SNTG2: variants seen among roughly 807,000 people sequenced by gnomAD.
The protein encoded by SNTG2 is syntrophin gamma 2.
A neutral mutation model predicts 70.9 loss-of-function variants in SNTG2; 74 were observed. That is an observed-to-expected ratio of 1.04 (90% CI 0.86 to 1.27). The LOEUF is 1.27. Among genes scored for constraint, SNTG2 ranks in the 50% most tolerant of loss-of-function variants. The probability of loss-of-function intolerance (pLI) is 0.00; values close to 1 mark genes in which losing one functional copy is unlikely to be tolerated. For synonymous variants in SNTG2, 278 were observed against 273.8 expected (o/e 1.02, Z -0.15); for missense variants, 717 against 690.7 (o/e 1.04, Z -0.43).
intron 13 of SNTG2, among the ~76,000 whole-genome samples, chr2:1,265,545 C>A (rs928903978): frequency 2.6e-5 from 4 of 152,192 alleles, no homozygotes; most frequent in Non-Finnish European, 5.9e-5. Flanking sequence ...ATCTGCGGGG[C>A]CAGGAGAGCC....
chr2:1,303,486 CAG>C (rs1680543185), intron 14 of SNTG2, among the ~76,000 whole-genome samples: 1 of 152,092 alleles, frequency 6.6e-6, no homozygotes, highest in Admixed American at 6.5e-5. Context: ...ACAGCTGAAT[CAG>C]GGCTGCGCAG....
intron 14 of SNTG2, among the ~76,000 whole-genome samples, chr2:1,303,137 A>G (rs1680529591): frequency 6.6e-6 from 1 of 152,234 alleles, no homozygotes; most frequent in Non-Finnish European, 1.5e-5. Context: ...ACCATCAACT[A>G]AAAGAATCCA....
intron 14 of SNTG2, among the ~76,000 whole-genome samples, chr2:1,281,872 G>C (rs959898014): frequency 3.3e-5 from 5 of 152,052 alleles, no homozygotes; most frequent in African/African-American, 1.2e-4. Flanking sequence ...GGAGGGAGGC[G>C]GGCAGCATCA....
chr2:1,171,768 T>C (rs924388447), intron 7 of SNTG2, among the ~76,000 whole-genome samples: 1 of 152,208 alleles, frequency 6.6e-6, no homozygotes, highest in Non-Finnish European at 1.5e-5. Context: ...ATGAAGTGTT[T>C]TCTAAAAATA....
intron 4 of SNTG2, among the ~76,000 whole-genome samples, chr2:1,121,495 C>T (rs560485965): frequency 6.6e-6 from 1 of 152,244 alleles, no homozygotes. Flanking sequence ...AACTCTTCAT[C>T]TGTATTAGTC....
intron 1 of SNTG2, chr2:1,059,164 G>T (rs1662649905): frequency 6.6e-6 from 1 of 152,250 alleles, no homozygotes; most frequent in Non-Finnish European, 1.5e-5. Context: ...CATCTGTGCA[G>T]TTTCATTTAC....
intron 4 of SNTG2, among the ~76,000 whole-genome samples, chr2:1,116,882 G>T: frequency 6.8e-6 from 1 of 146,192 alleles, no homozygotes; most frequent in African/African-American, 2.5e-5. Flanking sequence ...GGGTGCCCTG[G>T]TGTACGGGTG....
At chr2:1,005,357 A>G (rs1659531734) in intron 1 of SNTG2, among the ~76,000 whole-genome samples, 1 of 151,974 alleles carries the variant, frequency 6.6e-6, no homozygotes, top group Non-Finnish European at 1.5e-5. Context: ...AGGTTCACCA[A>G]TGATAACAAA....
At chr2:998,346 T>C (rs1027790197) in intron 1 of SNTG2, among the ~76,000 whole-genome samples, 3 of 151,792 alleles carry the variant, frequency 2.0e-5, no homozygotes, top group African/African-American at 7.3e-5. Context: ...CTATTGATTC[T>C]AGAGAAACTT....
At chr2:1,245,909 C>A (rs910913494) in intron 11 of SNTG2, among the ~76,000 whole-genome samples, 1 of 152,002 alleles carries the variant, frequency 6.6e-6, no homozygotes, top group Non-Finnish European at 1.5e-5. Context: ...GAATTCTACC[C>A]GTTTCATGAT....
chr2:991,591 C>T (rs968957001), intron 1 of SNTG2, among the ~76,000 whole-genome samples: 3 of 152,046 alleles, frequency 2.0e-5, no homozygotes, highest in Non-Finnish European at 4.4e-5. Context: ...ATGTTTTTTG[C>T]TCCAGGTAGC....
chr2:1,100,536 A>G (rs1430653193), intron 4 of SNTG2, among the ~76,000 whole-genome samples: 1 of 152,188 alleles, frequency 6.6e-6, no homozygotes, highest in Non-Finnish European at 1.5e-5. Context: ...AAGTGTTATA[A>G]TGGCGGTGTT....
At chr2:1,367,219 T>C in intron 16 of SNTG2, 124 bp from the exon 17 acceptor site, 3 of 870,714 alleles carry the variant, frequency 3.4e-6, no homozygotes, top group Non-Finnish European at 5.1e-6. Context: ...ACATATTTCC[T>C]GTCTATTATT....
intron 1 of SNTG2, among the ~76,000 whole-genome samples, chr2:1,062,800 A>C (rs888989933): frequency 6.6e-6 from 1 of 152,236 alleles, no homozygotes; most frequent in African/African-American, 2.4e-5. Context: ...ATAAATGTCA[A>C]CCTACACTTC....
chr2:1,366,587 AGGAAACTCTCCCTG>A (rs1661499407), intron 16 of SNTG2, among the ~76,000 whole-genome samples: 1 of 152,164 alleles, frequency 6.6e-6, no homozygotes, highest in African/African-American at 2.4e-5. Flanking sequence ...CCGTCTCTCT[AGGAAACTCTCCCTG>A]GGGCACCCTT....
chr2:1,066,136 A>C (rs944990854), intron 1 of SNTG2, among the ~76,000 whole-genome samples: 7 of 152,218 alleles, frequency 4.6e-5, no homozygotes, highest in Admixed American at 3.3e-4. Flanking sequence ...AATAGAAATA[A>C]GTTTGTTTAT....
At chr2:995,135 C>A (rs962490309) in intron 1 of SNTG2, among the ~76,000 whole-genome samples, 20 of 151,732 alleles carry the variant, frequency 1.3e-4, no homozygotes, top group African/African-American at 4.8e-4. Flanking sequence ...CGTATTTGTC[C>A]CATTCTTGAT....
chr2:1,156,508 G>A (rs4971360), intron 6 of SNTG2, among the ~76,000 whole-genome samples: 127,819 of 151,950 alleles, frequency 0.84, 55,294 homozygotes, highest in Non-Finnish European at 0.96. Context: ...CCTGCCCTGC[G>A]CTAGAGTCCC....
chr2:1,036,832 T>C (rs1240541048), intron 1 of SNTG2, among the ~76,000 whole-genome samples: 1 of 152,234 alleles, frequency 6.6e-6, no homozygotes, highest in Admixed American at 6.5e-5. Context: ...AGCGTTTGTC[T>C]TGAGCTTAGT....
Sources: gnomAD v4.1 joint callset for allele counts (sites outside exome capture counted in the v4.1 genomes callset) on GRCh38, gnomAD v4.1.1 for gene constraint, MANE v1.5 for transcripts, NCBI Gene and HGNC (gene_info 2026-07-23, HGNC 2026-07-21) for gene names.